IQCM: variants seen among roughly 807,000 people sequenced by gnomAD.
IQCM encodes IQ domain-containing protein M.
Under a neutral mutation model 57.6 loss-of-function variants are expected in IQCM, and 45 were observed. The ratio of observed to expected loss-of-function variants is 0.78; its 90% CI spans 0.62 to 1.00. The LOEUF (loss-of-function observed/expected upper bound fraction) is 1.00. Among genes scored for constraint, IQCM ranks in the 50% least tolerant of loss-of-function variants. IQCM has a pLI of 0.00. For missense variants in IQCM, 468 were observed against 511.6 expected (o/e 0.91, Z 0.82); for synonymous variants, 148 against 158.9 (o/e 0.93, Z 0.51).
chr4:149,782,590 G>T (rs1398572090), intron 2 of IQCM, among the ~76,000 whole-genome samples: 13 of 146,872 alleles, frequency 8.9e-5, no homozygotes, highest in African/African-American at 3.3e-4. Flanking sequence ...GTCAGAGCAA[G>T]AGTCTGTCTC....
intron 8 of IQCM, among the ~76,000 whole-genome samples, chr4:149,604,014 A>G (rs1232498770): frequency 1.3e-5 from 2 of 151,976 alleles, no homozygotes; most frequent in African/African-American, 2.4e-5. Context: ...CAATTCTAAG[A>G]CTCTGAAATG....
Position 149,682,135 on chromosome 4 carries a change from T to C in IQCM, c.548A>G (p.Glu183Gly). 1 of 1,216,450 alleles carries C rather than the reference T, an allele frequency of 8.2e-7. No individual in the cohort carries two copies. Among genetic ancestry groups the C allele is most frequent in the African/African-American group, 1.6e-5 (1 of 64,084 alleles). 75.4% of individuals were successfully genotyped at this position (1,216,450 alleles called of 1,614,324 possible). Reference sequence around the variant, plus strand: ...AGACTCACCAGGTTCTTTCAGAAGTTCCAAGTTAGAGGTCCCAGGTTGTAA... The same window carrying C: ...AGACTCACCAGGTTCTTTCAGAAGTCCCAAGTTAGAGGTCCCAGGTTGTAA... Reference protein sequence around the residue: ...LYLQPGTSNLELLKEPDKAFY... With the variant: ...LYLQPGTSNLGLLKEPDKAFY... Residue 183 changes from glutamate to glycine, a missense_variant, in exon 7 of 14, where the codon GAA (glutamate) becomes GGA (glycine). By Grantham distance (98) the Glu-to-Gly change is moderately conservative. Transcript: ENST00000636793.
In IQCM at chr4:149,703,675, T is replaced by C. The variant is rs1033729862; in HGVS notation, c.386-17207A>G. 2.6e-5 allele frequency among the ~76,000 whole-genome samples: 4 copies of C among 151,948 alleles called. No homozygotes were observed. The East Asian group carries it at 7.7e-4, about 29-fold the overall frequency. The stretch of plus-strand genomic sequence containing the variant: ...TAAAATACATGGTCTGAGCCATCAA[T>C]AAAATTAGAGAATAGTATCTTATAC... On this transcript the variant is annotated intron_variant, in intron 5 of 13. Transcript: ENST00000636793.
At chr4:149,422,050 A>T (rs1734156080) in intron 13 of IQCM, among the ~76,000 whole-genome samples, 1 of 151,980 alleles carries the variant, frequency 6.6e-6, no homozygotes. Context: ...TAAAAATTCC[A>T]AAGTATTGTG....
At chr4:149,620,966 C>T (rs756350965) in intron 8 of IQCM, among the ~76,000 whole-genome samples, 163 bp downstream of exon 8, 1 of 152,070 alleles carries the variant, frequency 6.6e-6, no homozygotes, top group Non-Finnish European at 1.5e-5. Context: ...GACACAAGAA[C>T]AAAACTAAAG....
At chr4:149,534,177 AT>A (rs1208378477) in intron 12 of IQCM, among the ~76,000 whole-genome samples, 11 of 152,182 alleles carry the variant, frequency 7.2e-5, no homozygotes, top group Admixed American at 6.6e-5. Context: ...ATTTAAACAC[AT>A]AAATAGGTTA....
At chr4:149,764,757 G>A (rs1054689792) in intron 2 of IQCM, among the ~76,000 whole-genome samples, 1 of 152,090 alleles carries the variant, frequency 6.6e-6, no homozygotes, top group Non-Finnish European at 1.5e-5. Flanking sequence ...GGATAGAAAA[G>A]CTTGACATAC....
chr4:149,804,170 AAGG>A (rs1378436543), intron 2 of IQCM, among the ~76,000 whole-genome samples: 3 of 152,026 alleles, frequency 2.0e-5, no homozygotes, highest in Non-Finnish European at 2.9e-5. Flanking sequence ...GGTCATTATT[AAGG>A]AGAAGAGAGC....
chr4:149,746,192 C>T (rs1395649008), intron 2 of IQCM, among the ~76,000 whole-genome samples: 4 of 152,110 alleles, frequency 2.6e-5, no homozygotes, highest in Non-Finnish European at 4.4e-5. Context: ...CCCTCCACCT[C>T]AATCCTCCTA....
At chr4:149,478,401 A>G (rs937466153) in intron 12 of IQCM, among the ~76,000 whole-genome samples, 1 of 152,162 alleles carries the variant, frequency 6.6e-6, no homozygotes, top group African/African-American at 2.4e-5. Flanking sequence ...GCCTGGAACA[A>G]GGGTTGTTGG....
chr4:149,753,118 A>G (rs755834376), intron 2 of IQCM, among the ~76,000 whole-genome samples: 28 of 152,242 alleles, frequency 1.8e-4, no homozygotes, highest in Admixed American at 1.1e-3. Context: ...ACTACTCTAC[A>G]TAAGCCTGAA....
rs549280353 is a variant in IQCM at position 149,718,449 on chromosome 4, A to G, written c.385+14795T>C. Among the ~76,000 whole-genome samples the G allele has an allele frequency of 3.3e-5, 5 of 152,370 alleles. No homozygotes were observed. In the South Asian group the frequency reaches 1.0e-3, roughly 32 times the overall value. On this transcript the variant is annotated intron_variant, in intron 5 of 13. Transcript: ENST00000636793. ...ATATAGCTGCTGAATAAATACATGA[A>G]TGAAGAGACAAAAGTTGAAACAATT...
At chr4:149,610,828 G>C (rs578015452) in intron 8 of IQCM, among the ~76,000 whole-genome samples, 123 of 151,970 alleles carry the variant, frequency 8.1e-4, no homozygotes, top group Non-Finnish European at 1.5e-3. Context: ...TCTTGAATAA[G>C]ACCTAAAAAG....
chr4:149,548,431 A>G (rs894247326), intron 12 of IQCM, 24 bp downstream of exon 12: 16 of 1,229,704 alleles, frequency 1.3e-5, no homozygotes, highest in East Asian at 6.3e-5. Context: ...AGAAGGGGGG[A>G]AAAAGAAATG....
chr4:149,667,506 C>T (rs1007457907), intron 7 of IQCM, among the ~76,000 whole-genome samples: 2 of 152,038 alleles, frequency 1.3e-5, no homozygotes, highest in African/African-American at 4.8e-5. Context: ...ATTCCAAAAA[C>T]CAGAACACCT....
At chr4:149,665,105 G>A (rs958655135) in intron 7 of IQCM, among the ~76,000 whole-genome samples, 2 of 152,288 alleles carry the variant, frequency 1.3e-5, no homozygotes, top group Middle Eastern at 3.4e-3. Flanking sequence ...CCTCACAAAT[G>A]GAAAGAGTCA....
At chr4:149,730,112 A>G (rs1045617349) in intron 5 of IQCM, among the ~76,000 whole-genome samples, 3 of 152,208 alleles carry the variant, frequency 2.0e-5, no homozygotes, top group African/African-American at 7.2e-5. Flanking sequence ...TATAAGATGC[A>G]TCTCCAACCT....
intron 13 of IQCM, among the ~76,000 whole-genome samples, chr4:149,375,009 T>TGTGTGAGA (rs55772693): frequency 6.6e-6 from 1 of 151,102 alleles, no homozygotes; most frequent in South Asian, 2.1e-4. Context: ...TGTGTGTGTG[T>TGTGTGAGA]GATGTTCTTT....
At chr4:149,539,062 C>G (rs1457213392) in intron 12 of IQCM, among the ~76,000 whole-genome samples, 1 of 152,074 alleles carries the variant, frequency 6.6e-6, no homozygotes. Context: ...AAAAGATGCT[C>G]AGCATCATTC....
Sources: allele counts gnomAD v4.1 joint callset (sites outside exome capture counted in the v4.1 genomes callset), GRCh38; gene constraint gnomAD v4.1.1; transcripts MANE v1.5; gene names NCBI Gene and HGNC (gene_info 2026-07-23, HGNC 2026-07-21).